Variants in GAL3ST2 observed in about 807,000 individuals in gnomAD.
The protein encoded by GAL3ST2 is galactose-3-O-sulfotransferase 2, also known as beta-galactose-3-O-sulfotransferase 2.
Under a neutral mutation model 12.9 loss-of-function variants are expected in GAL3ST2, and 16 were observed. The ratio of observed to expected loss-of-function variants is 1.24; its 90% CI spans 0.84 to 1.88. The LOEUF is 1.88. Among genes scored for constraint, GAL3ST2 ranks in the 40% most tolerant of loss-of-function variants. The pLI is 0.00. For synonymous variants in GAL3ST2, 302 were observed against 273.9 expected (o/e 1.10, Z -1.01); for missense variants, 639 against 571.8 (o/e 1.12, Z -1.20).
chr2:241,781,529 C>T (rs1699566370), intron 1 of GAL3ST2, among the ~76,000 whole-genome samples: 1 of 152,060 alleles, frequency 6.6e-6, no homozygotes, highest in Non-Finnish European at 1.5e-5. Flanking sequence ...TAGTCAAAGA[C>T]ACAATTGACA....
At chr2:241,782,684 G>T (rs1335881925) in intron 1 of GAL3ST2, among the ~76,000 whole-genome samples, 1 of 152,024 alleles carries the variant, frequency 6.6e-6, no homozygotes, top group Admixed American at 6.6e-5. Context: ...AGTTTATTTT[G>T]ATTGGCATCT....
At chr2:241,779,296 C>G (rs1388102946) in intron 1 of GAL3ST2, among the ~76,000 whole-genome samples, 2 of 119,200 alleles carry the variant, frequency 1.7e-5, no homozygotes, top group African/African-American at 6.2e-5. Context: ...TGCAGTGGAG[C>G]GATCTCGGCT....
rs1239425982 is a variant in GAL3ST2 at position 241,795,112 on chromosome 2, A to G, written c.30-3953A>G. On this transcript the variant is annotated intron_variant, in intron 1 of 3. Transcript: ENST00000192314. This position sits in a 1 kb window ranked among gnomAD's most constrained non-coding sequence, Gnocchi z 4.5. ...ACCATCTCTCTGCTTGGTGGAACACATCACCCATTTACTGCCCCACGGTGC... is the reference window on the plus strand; with the variant it reads ...ACCATCTCTCTGCTTGGTGGAACACGTCACCCATTTACTGCCCCACGGTGC... Among the ~76,000 whole-genome samples the G allele has an allele frequency of 6.6e-6, 1 of 152,006 alleles. No homozygotes were observed. Among genetic ancestry groups the G allele is most frequent in the East Asian group, 1.9e-4 (1 of 5,130 alleles).
chr2:241,778,134 G>A (rs1699517575), intron 1 of GAL3ST2, among the ~76,000 whole-genome samples: 2 of 152,350 alleles, frequency 1.3e-5, no homozygotes, highest in South Asian at 2.1e-4. Flanking sequence ...GGGAAGCCCC[G>A]AGTCACTTCC....
chr2:241,784,450 T>C (rs745769923), intron 1 of GAL3ST2, among the ~76,000 whole-genome samples: 7 of 152,188 alleles, frequency 4.6e-5, no homozygotes, highest in Non-Finnish European at 1.0e-4. Flanking sequence ...CAGAGATAAG[T>C]AGGAAATTGC....
chr2:241,801,729 G>T lies in GAL3ST2; in HGVS notation c.120-52G>T. On this transcript the variant is annotated intron_variant, in intron 2 of 3. Transcript: ENST00000192314. The surrounding 1 kb of genome is among the most constrained non-coding windows in gnomAD (Gnocchi z 4.4). ...CGGGCTGGGGGTCGCTGTTGGGCGG[G>T]GGTTGGGGCATCTGCACCCTTGCTG... The T allele has an allele frequency of 1.3e-6, 2 of 1,580,944 alleles. No homozygotes were observed. The highest frequency in any genetic ancestry group is 2.3e-5 in the South Asian group (2 of 86,836).
In GAL3ST2 at chr2:241,801,341, T is replaced by G; in HGVS notation, c.120-440T>G. On this transcript the variant is annotated intron_variant, in intron 2 of 3. Coordinates refer to ENST00000192314, the MANE Select transcript of GAL3ST2 (RefSeq NM_022134.3). The surrounding 1 kb of genome is among the most constrained non-coding windows in gnomAD (Gnocchi z 4.4). ...TATTCCGTGGTGTAGATGTGCCACA[T>G]TTTCTTTACGGTCTCTATGTAACAT... The G allele has an allele frequency of 5.5e-6, 1 of 182,342 alleles. No homozygotes were observed. Among genetic ancestry groups the G allele is most frequent in the Non-Finnish European group, 1.1e-5 (1 of 87,558 alleles). The allele number at this position is 182,342 out of a possible 1,614,324, so 11.3% of individuals were successfully genotyped here. A position where few individuals can be genotyped will look rare whatever the true frequency, so the allele number is the denominator to read the frequency against.
Position 241,803,418 on chromosome 2 carries a change from CCTT to C in GAL3ST2, c.451_453del (p.Phe151del), listed in dbSNP as rs756064026. 1.9e-6 allele frequency: 3 copies of C among 1,612,838 alleles called. No homozygotes were observed. The highest frequency in any genetic ancestry group is 1.7e-6 in the Non-Finnish European group (2 of 1,179,698). On this transcript the variant is annotated inframe_deletion, in exon 4 of 4. Transcript: ENST00000192314. ...AACCCCGTGTTCCAGCTGGAGTCCTCCTTCATCTACTACAAAACCTACGCCCCC... is the reference window on the plus strand; with the variant it reads ...AACCCCGTGTTCCAGCTGGAGTCCTCCATCTACTACAAAACCTACGCCCCC...
chr2:241,801,986 C>T lies in GAL3ST2; in HGVS notation c.325C>T (p.Gln109Ter), dbSNP rs1250037475. The T allele has an allele frequency of 6.2e-7, 1 of 1,612,878 alleles. No individual in the cohort carries two copies. Among genetic ancestry groups the T allele is most frequent in the Non-Finnish European group, 8.5e-7 (1 of 1,179,874 alleles). Residue 109 changes from glutamine (Q) to a stop codon, truncating the protein, a stop_gained, in exon 3 of 4, where the codon CAG becomes TAG. Coordinates refer to ENST00000192314, the MANE Select transcript of GAL3ST2 (RefSeq NM_022134.3). LOFTEE classifies it low-confidence loss of function (END_TRUNC). This position sits in a 1 kb window ranked among gnomAD's most constrained non-coding sequence, Gnocchi z 4.4. ...LARYVEGVGS[Q>*]QRFNIMCNHL... ...GCGCTACGTGGAAGGCGTGGGGTCG[C>T]AGCAGCGCTTCAACATCATGTGCAA...
chr2:241,779,754 G>T (rs1418728560), intron 1 of GAL3ST2, among the ~76,000 whole-genome samples: 9 of 151,660 alleles, frequency 5.9e-5, no homozygotes, highest in Non-Finnish European at 1.3e-4. Context: ...GGGAGGCCGA[G>T]GCGGGCGGAT....
At position 241,793,022 on chromosome 2, in the gene GAL3ST2, C is replaced by A. The variant is rs552584728; in HGVS notation, c.30-6043C>A. 1.3e-5 allele frequency among the ~76,000 whole-genome samples: 2 copies of A among 152,308 alleles called. No individual in the cohort carries two copies. The highest frequency in any genetic ancestry group is 3.9e-4 in the East Asian group (2 of 5,192). ...TTTGCTTCGAGCCATCCTGCCTCTCCAGACCGAACCAATGTTCGTCCTGCA... is the reference window on the plus strand; with the variant it reads ...TTTGCTTCGAGCCATCCTGCCTCTCAAGACCGAACCAATGTTCGTCCTGCA... On this transcript the variant is annotated intron_variant, in intron 1 of 3. Coordinates refer to ENST00000192314, the MANE Select transcript of GAL3ST2 (RefSeq NM_022134.3). The surrounding 1 kb of genome is among the most constrained non-coding windows in gnomAD (Gnocchi z 4.7).
At chr2:241,803,009 C>A (rs932909802) in intron 3 of GAL3ST2, among the ~76,000 whole-genome samples, 1 of 152,060 alleles carries the variant, frequency 6.6e-6, no homozygotes, top group Non-Finnish European at 1.5e-5. Flanking sequence ...GCATCCCACT[C>A]CTAGAGGCCT....
At position 241,776,975 on chromosome 2, in the gene GAL3ST2, GC is replaced by G. The variant is rs2125187341; in HGVS notation, c.21del (p.Leu8CysfsTer15). 4 of 1,550,556 alleles carry G rather than the reference GC, an allele frequency of 2.6e-6. No homozygotes were observed. In the East Asian group the frequency reaches 1.0e-4, roughly 39 times the overall value. On this transcript the variant is annotated frameshift_variant, in exon 1 of 4. Coordinates refer to ENST00000192314, the MANE Select transcript of GAL3ST2 (RefSeq NM_022134.3). LOFTEE classifies it high-confidence loss of function. MMSMLG[G>X]LQRYFRVILL... is the part of the protein sequence containing the mutation. ...GCCAAGATGATGTCCATGCTGGGCG[GC>G]TTGCAGAGGTAAGGGGGGCAGTTGG...
rs138037447 is a variant in GAL3ST2 at position 241,798,870 on chromosome 2, A to T, written c.30-195A>T. On this transcript the variant is annotated intron_variant, in intron 1 of 3. Transcript: ENST00000192314. ...ATTCAGGGGTGGTCGGGATGGGGTC[A>T]GATTCAGGCCTGTCCTGGGTTGAGA... Among the ~76,000 whole-genome samples the T allele has an allele frequency of 4.6e-3, 699 of 152,252 alleles. 10 individuals are homozygous for T. The highest frequency in any genetic ancestry group is 0.015 in the African/African-American group (639 of 41,536).
chr2:241,788,659 G>A (rs1699655993), intron 1 of GAL3ST2, among the ~76,000 whole-genome samples: 1 of 152,150 alleles, frequency 6.6e-6, no homozygotes, highest in Non-Finnish European at 1.5e-5. Flanking sequence ...GAGTGTCTAG[G>A]GGGTTGACCC....
rs1182885638 is a variant in GAL3ST2 at position 241,802,055 on chromosome 2, G to A, written c.375+19G>A. On this transcript the variant is annotated intron_variant, in intron 3 of 3. Coordinates refer to ENST00000192314, the MANE Select transcript of GAL3ST2 (RefSeq NM_022134.3). The surrounding 1 kb of genome is among the most constrained non-coding windows in gnomAD (Gnocchi z 4.8). ...GCCTCAGGTACCGCGGGCCTGCTGG[G>A]GAGGAGGGCGGGCTGCAGCCGTGCC... The A allele has an allele frequency of 1.3e-6, 2 of 1,594,380 alleles. No individual in the cohort carries two copies. The highest frequency in any genetic ancestry group is 1.7e-6 in the Non-Finnish European group (2 of 1,170,702).
Position 241,793,514 on chromosome 2 carries a change from GTA to G in GAL3ST2, c.30-5549_30-5548del, listed in dbSNP as rs1297700466. Among the ~76,000 whole-genome samples, 3 of 149,640 alleles carry G rather than the reference GTA, an allele frequency of 2.0e-5. No homozygotes were observed. The highest frequency in any genetic ancestry group is 6.6e-5 in the Admixed American group (1 of 15,130). ...ACATATTGTGTATGTGTGTGTATATGTATGTGTGTATTGTGTTTATATGTATG... is the reference window on the plus strand; with the variant it reads ...ACATATTGTGTATGTGTGTGTATATGTGTGTGTATTGTGTTTATATGTATG... On this transcript the variant is annotated intron_variant, in intron 1 of 3. Coordinates refer to ENST00000192314, the MANE Select transcript of GAL3ST2 (RefSeq NM_022134.3). This position sits in a 1 kb window ranked among gnomAD's most constrained non-coding sequence, Gnocchi z 4.7.
At chr2:241,798,630 T>C (rs1390337095) in intron 1 of GAL3ST2, among the ~76,000 whole-genome samples, 1 of 152,138 alleles carries the variant, frequency 6.6e-6, no homozygotes, top group Non-Finnish European at 1.5e-5. Context: ...CCTGTGGATT[T>C]TGGGGGCGCA....
In GAL3ST2 at chr2:241,800,576, G is replaced by C. The variant is rs1699830700; in HGVS notation, c.120-1205G>C. Among the ~76,000 whole-genome samples, 1 of 152,230 alleles carries C rather than the reference G, an allele frequency of 6.6e-6. No homozygotes were observed. The highest frequency in any genetic ancestry group is 1.5e-5 in the Non-Finnish European group (1 of 68,040). ...CAGGCCCTGCACGTCAGAAGGTGGAGCCGGGACGGGAAGCACTCGGTGCGC... is the reference window on the plus strand; with the variant it reads ...CAGGCCCTGCACGTCAGAAGGTGGACCCGGGACGGGAAGCACTCGGTGCGC... On this transcript the variant is annotated intron_variant, in intron 2 of 3. Transcript: ENST00000192314. The surrounding 1 kb of genome is among the most constrained non-coding windows in gnomAD (Gnocchi z 5.2).
Sources: allele counts gnomAD v4.1 joint callset (sites outside exome capture counted in the v4.1 genomes callset), GRCh38; gene constraint gnomAD v4.1.1; non-coding constraint Gnocchi (gnomAD v3.1); transcripts MANE v1.5; gene names NCBI Gene and HGNC (gene_info 2026-07-23, HGNC 2026-07-21).